FARS2: variants seen among roughly 807,000 people sequenced by gnomAD.
FARS2 encodes the protein phenylalanyl-tRNA synthetase 2, mitochondrial, also known as phenylalanine--tRNA ligase, mitochondrial.
Under a neutral mutation model 46.4 loss-of-function variants are expected in FARS2, and 40 were observed. The observed-to-expected ratio is 0.86, with a 90% CI of 0.67 to 1.12. FARS2 has a LOEUF of 1.12. Among genes scored for constraint, FARS2 ranks in the 50% most tolerant of loss-of-function variants. FARS2 has a pLI of 0.00. For missense variants in FARS2, 513 were observed against 567.9 expected (o/e 0.90, Z 0.98); for synonymous variants, 234 against 214.9 (o/e 1.09, Z -0.78).
intron 4 of FARS2, among the ~76,000 whole-genome samples, chr6:5,475,522 C>T (rs949007770): frequency 5.3e-5 from 8 of 152,282 alleles, no homozygotes; most frequent in Middle Eastern, 3.4e-3. Context: ...AGGACTCTCC[C>T]CTGACCACAG....
chr6:5,500,956 G>C (rs1040290063), intron 4 of FARS2, among the ~76,000 whole-genome samples: 1 of 151,546 alleles, frequency 6.6e-6, no homozygotes, highest in African/African-American at 2.4e-5. Flanking sequence ...GAGAGAGAGA[G>C]AGAGAGAGAG....
At chr6:5,456,687 C>G (rs1436871032) in intron 4 of FARS2, among the ~76,000 whole-genome samples, 1 of 121,366 alleles carries the variant, frequency 8.2e-6, no homozygotes, top group Non-Finnish European at 1.6e-5. Flanking sequence ...GCCGAGATGG[C>G]ATTATTGCAC....
chr6:5,499,741 C>G (rs1767680140), intron 4 of FARS2, among the ~76,000 whole-genome samples: 1 of 152,198 alleles, frequency 6.6e-6, no homozygotes, highest in South Asian at 2.1e-4. Context: ...AAATAGAAAA[C>G]TGGTACAAAG....
intron 4 of FARS2, among the ~76,000 whole-genome samples, chr6:5,484,778 A>G (rs553402186): frequency 6.9e-4 from 105 of 152,326 alleles, no homozygotes; most frequent in African/African-American, 2.4e-3. Flanking sequence ...AGCTGGATTG[A>G]AGGGCACAGT....
intron 1 of FARS2, among the ~76,000 whole-genome samples, chr6:5,365,496 A>C (rs1366417245): frequency 6.8e-6 from 1 of 147,240 alleles, no homozygotes; most frequent in Non-Finnish European, 1.5e-5. Context: ...TACCCGGCTA[A>C]TTTATTAAAT....
At chr6:5,351,121 T>G (rs181171943) in intron 1 of FARS2, among the ~76,000 whole-genome samples, 91 of 152,340 alleles carry the variant, frequency 6.0e-4, no homozygotes, top group Non-Finnish European at 9.3e-4. Flanking sequence ...AAGGCTATAC[T>G]TGTTTCTCTG....
intron 4 of FARS2, among the ~76,000 whole-genome samples, chr6:5,432,305 A>G (rs1763215181): frequency 9.8e-6 from 1 of 102,418 alleles, no homozygotes; most frequent in Admixed American, 1.3e-4. Flanking sequence ...AAAGAGCAAC[A>G]CTCAGTCTTA....
intron 6 of FARS2, among the ~76,000 whole-genome samples, chr6:5,684,395 G>A (rs1224399066): frequency 6.6e-6 from 1 of 152,136 alleles, no homozygotes; most frequent in African/African-American, 2.4e-5. Flanking sequence ...GAGACCAAGG[G>A]ATGATGTCCT....
At chr6:5,599,078 A>T (rs190306937) in intron 5 of FARS2, among the ~76,000 whole-genome samples, 4 of 152,286 alleles carry the variant, frequency 2.6e-5, no homozygotes, top group African/African-American at 7.2e-5. Flanking sequence ...GACTGAGATG[A>T]TGTGAAATTA....
At chr6:5,735,003 A>T (rs1760863845) in intron 6 of FARS2, among the ~76,000 whole-genome samples, 1 of 152,202 alleles carries the variant, frequency 6.6e-6, no homozygotes, top group Non-Finnish European at 1.5e-5. Flanking sequence ...TTTCTAGAAG[A>T]TTCACTCCGC....
chr6:5,270,926 G>T (rs1469513168), intron 1 of FARS2, among the ~76,000 whole-genome samples: 3 of 152,182 alleles, frequency 2.0e-5, no homozygotes, highest in Non-Finnish European at 1.5e-5. Context: ...CTCAGTTTAA[G>T]AGATGCTTAC....
At chr6:5,476,189 G>A (rs551504082) in intron 4 of FARS2, among the ~76,000 whole-genome samples, 19 of 152,276 alleles carry the variant, frequency 1.2e-4, no homozygotes, top group African/African-American at 3.9e-4. Flanking sequence ...GGCAGCCCCC[G>A]GCGAACGGGA....
At chr6:5,322,875 G>A (rs1476669399) in intron 1 of FARS2, among the ~76,000 whole-genome samples, 3 of 152,182 alleles carry the variant, frequency 2.0e-5, no homozygotes, top group Non-Finnish European at 2.9e-5. Flanking sequence ...AGTTTGATAA[G>A]TGAGTATTCC....
In FARS2 at chr6:5,498,929, ACT is replaced by A. The variant is rs1681446926; in HGVS notation, c.905-46248_905-46247del. ...TTTTTTTTTCTTGAGATGGAGTCTC[ACT>A]CTGTCACCCAGGCTGGAGTGCAGTG... On this transcript the variant is annotated intron_variant, in intron 4 of 6. Transcript: ENST00000274680. 3.3e-5 allele frequency among the ~76,000 whole-genome samples: 5 copies of A among 151,982 alleles called. No individual in the cohort carries two copies. The South Asian group carries it at 1.0e-3, about 32-fold the overall frequency.
chr6:5,612,004 C>T (rs1775215199), intron 5 of FARS2, among the ~76,000 whole-genome samples: 1 of 152,316 alleles, frequency 6.6e-6, no homozygotes, highest in Middle Eastern at 3.4e-3. Flanking sequence ...TCTATTGTTA[C>T]ATTAACTCAT....
At chr6:5,606,195 G>C (rs1274837149) in intron 5 of FARS2, among the ~76,000 whole-genome samples, 1 of 151,860 alleles carries the variant, frequency 6.6e-6, no homozygotes, top group African/African-American at 2.4e-5. Context: ...TCAGAGTACT[G>C]AGCAGAATAA....
chr6:5,281,634 C>T (rs1431237760), intron 1 of FARS2, among the ~76,000 whole-genome samples: 1 of 151,816 alleles, frequency 6.6e-6, no homozygotes, highest in African/African-American at 2.4e-5. Context: ...CTCCCACCCC[C>T]CCTGCCCCCG....
intron 6 of FARS2, among the ~76,000 whole-genome samples, chr6:5,617,648 TA>T (rs1246193267): frequency 6.6e-6 from 1 of 152,228 alleles, no homozygotes; most frequent in East Asian, 1.9e-4. Context: ...GAATTGAGGG[TA>T]TTCTTTTTTC....
chr6:5,496,819 TTTG>T (rs985691518), intron 4 of FARS2, among the ~76,000 whole-genome samples: 5 of 152,252 alleles, frequency 3.3e-5, no homozygotes, highest in Middle Eastern at 3.4e-3. Context: ...ATATGAAGTT[TTTG>T]TTGTTGTTGT....
Sources: gnomAD v4.1 joint callset for allele counts (sites outside exome capture counted in the v4.1 genomes callset) on GRCh38, gnomAD v4.1.1 for gene constraint, MANE v1.5 for transcripts, NCBI Gene and HGNC (gene_info 2026-07-23, HGNC 2026-07-21) for gene names.